ADGRG2: variants seen among roughly 807,000 people sequenced by gnomAD.
ADGRG2 encodes the protein G protein-coupled receptor 64.
A neutral mutation model predicts 74.1 loss-of-function variants in ADGRG2; 26 were observed. That is an observed-to-expected ratio of 0.35 (90% CI 0.26 to 0.49). The LOEUF (loss-of-function observed/expected upper bound fraction) is 0.49. ADGRG2 is among the 20% of genes least tolerant of loss of function. ADGRG2 has a pLI of 0.99. For synonymous variants in ADGRG2, 296 were observed against 295.2 expected (o/e 1.00, Z -0.03); for missense variants, 619 against 763.1 (o/e 0.81, Z 2.22).
At chrX:19,017,859 G>T (rs2060499467) in intron 15 of ADGRG2, among the ~76,000 whole-genome samples, 1 of 107,187 alleles carries the variant, frequency 9.3e-6, no homozygotes, top group Admixed American at 1.0e-4. Flanking sequence ...AGAAAGAAAA[G>T]AAAAAGTAAA....
chrX:19,052,609 T>C (rs1034131522), intron 3 of ADGRG2, among the ~76,000 whole-genome samples: 3 of 109,151 alleles, frequency 2.7e-5, no homozygotes, highest in African/African-American at 6.6e-5. Flanking sequence ...TATATACATA[T>C]GTTTTTATGT....
At chrX:19,007,690 A>G (rs958079100) in intron 19 of ADGRG2, among the ~76,000 whole-genome samples, 1 of 111,916 alleles carries the variant, frequency 8.9e-6, no homozygotes, top group African/African-American at 3.2e-5. Flanking sequence ...TCATCTGTAA[A>G]ATGGGATAAT....
chrX:19,012,073 A>G (rs2060367945), intron 16 of ADGRG2, among the ~76,000 whole-genome samples: 1 of 112,206 alleles, frequency 8.9e-6, no homozygotes, highest in African/African-American at 3.2e-5. Context: ...TTCACCTCAC[A>G]TCAAGACTTG....
chrX:19,078,983 A>G (rs2061800570), intron 2 of ADGRG2, among the ~76,000 whole-genome samples: 1 of 111,396 alleles, frequency 9.0e-6, no homozygotes, highest in South Asian at 3.7e-4. Context: ...TAAACATAAT[A>G]AATATAAAAG....
At chrX:19,122,859 T>C (rs1012930013), upstream of ADGRG2, among the ~76,000 whole-genome samples, 10 of 111,523 alleles carry the variant, frequency 9.0e-5, no homozygotes, top group Non-Finnish European at 1.9e-4. Context: ...GAGCTCCTCC[T>C]TGGGGACCCC....
At chrX:19,057,386 A>G (rs1047320166) in intron 3 of ADGRG2, among the ~76,000 whole-genome samples, 20 of 112,009 alleles carry the variant, frequency 1.8e-4, no homozygotes, top group African/African-American at 4.5e-4. Context: ...ACATCAGGAA[A>G]CTGAAGTTCA....
intron 3 of ADGRG2, among the ~76,000 whole-genome samples, chrX:19,064,237 T>C (rs896976339): frequency 7.1e-5 from 8 of 112,150 alleles, no homozygotes; most frequent in African/African-American, 2.3e-4. Context: ...AGGGCACCAA[T>C]AGCATCTGCT....
At chrX:19,116,253 G>A (rs1462830565) in intron 1 of ADGRG2, among the ~76,000 whole-genome samples, 1 of 109,314 alleles carries the variant, frequency 9.1e-6, no homozygotes, top group Non-Finnish European at 1.9e-5. Context: ...GCTCATGCCT[G>A]TAATCCCAGC....
At chrX:19,102,240 T>G (rs779058194) in intron 1 of ADGRG2, among the ~76,000 whole-genome samples, 1 of 109,911 alleles carries the variant, frequency 9.1e-6, no homozygotes, top group African/African-American at 3.3e-5. Flanking sequence ...AAAGGCAATG[T>G]CTTTCACATC....
chrX:19,066,380 C>T (rs980698480), intron 3 of ADGRG2, among the ~76,000 whole-genome samples: 2 of 102,125 alleles, frequency 2.0e-5, no homozygotes, highest in African/African-American at 7.1e-5. Context: ...AAAGTTATTT[C>T]GTTGTGTGTC....
intron 26 of ADGRG2, among the ~76,000 whole-genome samples, chrX:18,997,613 A>G (rs2146496499): frequency 8.9e-6 from 1 of 112,683 alleles, no homozygotes; most frequent in East Asian, 2.8e-4. Context: ...GGATATACCA[A>G]TTGAGGAACC....
intron 1 of ADGRG2, among the ~76,000 whole-genome samples, chrX:19,115,898 C>T (rs2062503779): frequency 9.1e-6 from 1 of 109,909 alleles, no homozygotes; most frequent in Admixed American, 9.7e-5. Context: ...AGACTGAGAC[C>T]CCATCTCGTC....
At chrX:19,042,205 C>A (rs1601967871) in intron 3 of ADGRG2, among the ~76,000 whole-genome samples, 2 of 111,564 alleles carry the variant, frequency 1.8e-5, no homozygotes, top group East Asian at 5.6e-4. Flanking sequence ...TGGGTGAATT[C>A]ATCTGATCAT....
rs780969624 is a variant in ADGRG2 at position 19,003,039 on chromosome X, G to A, written c.2037C>T (p.Phe679=). 1.7e-6 allele frequency: 2 copies of A among 1,199,267 alleles called. No individual in the cohort carries two copies. The highest frequency in any genetic ancestry group is 3.5e-5 in the South Asian group (2 of 56,706). ...ACAGAGCAATCCACGAGTCCAGGAG[G>A]AAGACCAGGTTCAGCAGAAGCAGAG... ...CAALLLLNLV[F]LLDSWIALYK... Residue 679 remains phenylalanine, a synonymous_variant, in exon 24 of 29, where the codon TTC becomes TTT. Coordinates refer to ENST00000379869, the MANE Select transcript of ADGRG2 (RefSeq NM_001079858.3).
rs2059912866 is a variant in ADGRG2 at position 18,990,973 on chromosome X, C to T, written c.2945G>A (p.Gly982Glu). The part of the protein sequence containing the change: ...NGDVCLHDFT[G>E]KQHMFNEKED... ...CTTCTCGTTAAACATGTGCTGTTTT[C>T]CAGTGAAATCGTGAAGGCACACATC... The change falls in exon 29 of 29, where the codon GGA becomes GAA. Residue 982 changes from glycine to glutamate, a missense_variant. By Grantham distance (98) the Gly-to-Glu change is moderately conservative. Coordinates refer to ENST00000379869, the MANE Select transcript of ADGRG2 (RefSeq NM_001079858.3). 1 of 1,198,583 alleles carries T rather than the reference C, an allele frequency of 8.3e-7. No individual in the cohort carries two copies. The highest frequency in any genetic ancestry group is 1.8e-5 in the South Asian group (1 of 56,446).
Position 18,999,972 on chromosome X carries a change from G to A in ADGRG2, c.2231-12C>T, listed in dbSNP as rs1418963523. The A allele has an allele frequency of 4.1e-6, 4 of 967,037 alleles. No homozygotes were observed. The highest frequency in any genetic ancestry group is 5.9e-6 in the Non-Finnish European group (4 of 680,492). The allele number at this position is 967,037 out of a possible 1,213,427, so 79.7% of individuals were successfully genotyped here. A position where few individuals can be genotyped will look rare whatever the true frequency, so the allele number is the denominator to read the frequency against. On this transcript the variant is annotated splice_polypyrimidine_tract_variant and intron_variant, in intron 24 of 28. Coordinates refer to ENST00000379869, the MANE Select transcript of ADGRG2 (RefSeq NM_001079858.3). ...CACAGCTGGTACCCCTGGAAGATGG[G>A]AAACATTGGTCACACCTAATTTTTT...
intron 9 of ADGRG2, among the ~76,000 whole-genome samples, chrX:19,030,401 T>C (rs971524617): frequency 2.7e-5 from 3 of 112,294 alleles, no homozygotes; most frequent in African/African-American, 9.7e-5. Flanking sequence ...TATTCCCATT[T>C]CAAAAATAGC....
intron 13 of ADGRG2, among the ~76,000 whole-genome samples, chrX:19,022,688 CTCTT>C (rs1250044631): frequency 2.7e-5 from 3 of 111,671 alleles, no homozygotes; most frequent in African/African-American, 9.8e-5. Flanking sequence ...TTGTTCTTTT[CTCTT>C]TCTTTAAAAA....
intron 1 of ADGRG2, among the ~76,000 whole-genome samples, chrX:19,093,588 C>A (rs1338392987): frequency 1.8e-5 from 2 of 111,331 alleles, no homozygotes; most frequent in African/African-American, 6.5e-5. Flanking sequence ...ATGTTCTATA[C>A]CAGAGAATCT....
Sources: allele counts gnomAD v4.1 joint callset (sites outside exome capture counted in the v4.1 genomes callset), GRCh38; gene constraint gnomAD v4.1.1; transcripts MANE v1.5; gene names NCBI Gene and HGNC (gene_info 2026-07-23, HGNC 2026-07-21).